PGS1: variants seen among roughly 807,000 people sequenced by gnomAD.
PGS1 encodes the protein phosphatidylglycerophosphate synthase 1.
A neutral mutation model predicts 58.3 loss-of-function variants in PGS1; 44 were observed. The ratio of observed to expected loss-of-function variants is 0.75; its 90% CI spans 0.59 to 0.97. PGS1 has a LOEUF of 0.97. Among genes scored for constraint, PGS1 ranks in the 50% least tolerant of loss-of-function variants. PGS1 has a pLI of 0.00. For synonymous variants in PGS1, 330 were observed against 311.0 expected, an observed-to-expected ratio of 1.06 and a Z score of -0.64; for missense variants, 684 against 731.1, an observed-to-expected ratio of 0.94 and a Z score of 0.74.
chr17:78,388,356 A>C (rs770520304), intron 1 of PGS1, among the ~76,000 whole-genome samples: 1 of 152,072 alleles, frequency 6.6e-6, no homozygotes, highest in Non-Finnish European at 1.5e-5. Flanking sequence ...TCTCTGGACT[A>C]CTGAGGCCCT....
chr17:78,399,519 A>G lies in PGS1; in HGVS notation c.683A>G (p.Asn228Ser), dbSNP rs2146201833. ...CACATTAAGGTGTACCTCTTCGACAACAGCGTCATCTTGAGCGGGTGAGTG... is the reference window on the plus strand; with the variant it reads ...CACATTAAGGTGTACCTCTTCGACAGCAGCGTCATCTTGAGCGGGTGAGTG... Reference protein sequence around the residue: ...LQHIKVYLFDNSVILSGANLS... With the variant: ...LQHIKVYLFDSSVILSGANLS... Residue 228 changes from asparagine to serine, a missense_variant, in exon 5 of 10, where the codon AAC (asparagine) becomes AGC (serine). Coordinates refer to ENST00000262764, the MANE Select transcript of PGS1 (RefSeq NM_024419.5). 1.9e-6 allele frequency: 3 copies of G among 1,614,202 alleles called. No individual in the cohort carries two copies. The highest frequency in any genetic ancestry group is 1.1e-5 in the South Asian group (1 of 91,086).
intron 7 of PGS1, among the ~76,000 whole-genome samples, chr17:78,409,378 G>C (rs1400765389): frequency 6.6e-6 from 1 of 152,260 alleles, no homozygotes; most frequent in Non-Finnish European, 1.5e-5. Flanking sequence ...GGCTCATGCT[G>C]ACAGGGAAAT....
chr17:78,383,002 G>A (rs2082143820), intron 1 of PGS1, among the ~76,000 whole-genome samples: 1 of 152,138 alleles, frequency 6.6e-6, no homozygotes. Flanking sequence ...GTATCATGAA[G>A]GCATTAGTTC....
chr17:78,389,272 C>T (rs892819898), intron 1 of PGS1, among the ~76,000 whole-genome samples: 4 of 151,720 alleles, frequency 2.6e-5, no homozygotes, highest in African/African-American at 9.7e-5. Context: ...CTGCAACCTC[C>T]GCCTCCCAGT....
intron 5 of PGS1, 69 bp downstream of exon 5, chr17:78,399,606 C>T (rs996753466): frequency 6.7e-7 from 1 of 1,498,394 alleles, no homozygotes; most frequent in Non-Finnish European, 9.2e-7. Context: ...GGAATAGGAA[C>T]AGTGGGAAAC....
chr17:78,422,871 G>C (rs1232464370), intron 9 of PGS1, among the ~76,000 whole-genome samples: 1 of 152,142 alleles, frequency 6.6e-6, no homozygotes, highest in Non-Finnish European at 1.5e-5. Context: ...CGAGGTTGGT[G>C]AATCACCTGA....
At chr17:78,389,276 T>TCCCA in intron 1 of PGS1, among the ~76,000 whole-genome samples, 1 of 151,722 alleles carries the variant, frequency 6.6e-6, no homozygotes, top group African/African-American at 2.4e-5. Flanking sequence ...AACCTCCGCC[T>TCCCA]CCCAGTTCGA....
chr17:78,423,052 T>C (rs1394609503), intron 9 of PGS1, among the ~76,000 whole-genome samples: 1 of 151,148 alleles, frequency 6.6e-6, no homozygotes, highest in African/African-American at 2.4e-5. Flanking sequence ...GAGCCGAGAT[T>C]GCGTCATTGC....
Position 78,419,616 on chromosome 17 carries a change from T to G in PGS1, c.1622T>G (p.Val541Gly). Residue 541 changes from valine (V) to glycine (G), a missense_variant, in exon 9 of 10, where the codon GTG (valine) becomes GGG (glycine). Physicochemically the swap from Val to Gly is moderately radical, Grantham distance 109. Transcript: ENST00000262764. ...ACCTTCGAGCAGCCGAGTCGCCAGG[T>G]GAAGCTGTGGGTGAAGATGGTGACT... ...SATFEQPSRQVKLWVKMVTPL... is the reference protein window; with the variant it reads ...SATFEQPSRQGKLWVKMVTPL... The G allele has an allele frequency of 6.2e-7, 1 of 1,614,110 alleles. No individual in the cohort carries two copies. Among genetic ancestry groups the G allele is most frequent in the Non-Finnish European group, 8.5e-7 (1 of 1,179,978 alleles).
intron 7 of PGS1, among the ~76,000 whole-genome samples, chr17:78,406,278 A>G (rs1329240004): frequency 6.6e-6 from 1 of 152,134 alleles, no homozygotes; most frequent in Non-Finnish European, 1.5e-5. Flanking sequence ...AGATCGTGCC[A>G]CTGCATTCCA....
chr17:78,404,980 C>T (rs1019020303), intron 7 of PGS1, among the ~76,000 whole-genome samples: 1 of 149,936 alleles, frequency 6.7e-6, no homozygotes, highest in African/African-American at 2.5e-5. Flanking sequence ...TGTTGATTGT[C>T]AGAGTTCCTG....
chr17:78,416,154 G>A (rs956524389), intron 8 of PGS1, among the ~76,000 whole-genome samples: 2 of 152,198 alleles, frequency 1.3e-5, no homozygotes, highest in African/African-American at 4.8e-5. Context: ...GGCGCAAGAG[G>A]AAGTGAAGCG....
chr17:78,408,410 G>T (rs1392451956), intron 7 of PGS1, among the ~76,000 whole-genome samples: 3 of 152,320 alleles, frequency 2.0e-5, no homozygotes, highest in East Asian at 3.9e-4. Context: ...TTCCTGTGCA[G>T]TCGGGGGGAT....
At chr17:78,404,621 T>C (rs1029323520) in intron 7 of PGS1, among the ~76,000 whole-genome samples, 3 of 152,094 alleles carry the variant, frequency 2.0e-5, no homozygotes, top group Admixed American at 6.6e-5. Flanking sequence ...GTGGCTGTGG[T>C]AAAGATGTGG....
At chr17:78,415,169 C>A in intron 8 of PGS1, 142 bp downstream of exon 8, 1 of 933,204 alleles carries the variant, frequency 1.1e-6, no homozygotes, top group Non-Finnish European at 1.6e-6. Context: ...GACTCTGGGT[C>A]TCCAAGAGTG....
At chr17:78,423,783 CT>C in intron 9 of PGS1, 1 of 1,307,530 alleles carries the variant, frequency 7.6e-7, no homozygotes, top group Non-Finnish European at 1.1e-6. Flanking sequence ...TACAAAGCAC[CT>C]GATTATTTAA....
intron 1 of PGS1, among the ~76,000 whole-genome samples, chr17:78,380,485 T>G (rs962904465): frequency 6.6e-6 from 1 of 152,260 alleles, no homozygotes; most frequent in Non-Finnish European, 1.5e-5. Flanking sequence ...CCTGCTAGGT[T>G]TCACGTTGGT....
intron 4 of PGS1, among the ~76,000 whole-genome samples, chr17:78,398,775 C>T (rs564596586): frequency 6.6e-6 from 1 of 152,342 alleles, no homozygotes; most frequent in African/African-American, 2.4e-5. Flanking sequence ...GGATTCATCC[C>T]CTAGCTGTTT....
intron 3 of PGS1, 97 bp downstream of exon 3, chr17:78,396,482 C>A: frequency 1.2e-6 from 1 of 838,718 alleles, no homozygotes; most frequent in Non-Finnish European, 1.9e-6. Flanking sequence ...AGCTGCCTTT[C>A]CTTGGCCTCC....
Sources: allele counts gnomAD v4.1 joint callset (sites outside exome capture counted in the v4.1 genomes callset), GRCh38; gene constraint gnomAD v4.1.1; transcripts MANE v1.5; gene names NCBI Gene and HGNC (gene_info 2026-07-23, HGNC 2026-07-21).